Variants in NRXN3 observed in about 807,000 individuals in gnomAD.
NRXN3 encodes neurexin III.
A neutral mutation model predicts 137.6 loss-of-function variants in NRXN3; 32 were observed. That is an observed-to-expected ratio of 0.23 (90% CI 0.18 to 0.31). The LOEUF is 0.31. Among genes scored for constraint, NRXN3 ranks in the 10% least tolerant of loss-of-function variants. The probability of loss-of-function intolerance (pLI) is 1.00; values close to 1 mark genes in which losing one functional copy is unlikely to be tolerated. For synonymous variants in NRXN3, 798 were observed against 784.5 expected, an observed-to-expected ratio of 1.02 and a Z score of -0.29; for missense variants, 1,574 against 2,062.5, an observed-to-expected ratio of 0.76 and a Z score of 4.59.
chr14:78,827,946 C>T (rs2098971655), intron 10 of NRXN3, among the ~76,000 whole-genome samples: 1 of 152,204 alleles, frequency 6.6e-6, no homozygotes, highest in African/African-American at 2.4e-5. Flanking sequence ...CCTTTGAAGG[C>T]ACACATTCAT....
At position 78,243,541 on chromosome 14, in the gene NRXN3, G is replaced by A; in HGVS notation, c.448G>A (p.Gly150Ser). 2 of 1,597,610 alleles carry A rather than the reference G, an allele frequency of 1.3e-6. No homozygotes were observed. The highest frequency in any genetic ancestry group is 1.7e-6 in the Non-Finnish European group (2 of 1,179,456). Residue 150 changes from glycine (G) to serine (S), a missense_variant, in exon 2 of 21, where the codon GGT becomes AGT. Coordinates refer to ENST00000335750, the MANE Select transcript of NRXN3 (RefSeq NM_001330195.2). This position sits in a 1 kb window ranked among gnomAD's most constrained non-coding sequence, Gnocchi z 4.2. Reference sequence around the variant, plus strand: ...GGATGTGGTCAGTGACTTGTTCCTTGGTGGAGTCCCTACTGACATACGACC... The same window carrying A: ...GGATGTGGTCAGTGACTTGTTCCTTAGTGGAGTCCCTACTGACATACGACC... The part of the protein sequence containing the change: ...YMDVVSDLFL[G>S]GVPTDIRPSA...
At chr14:78,920,556 C>T (rs2099268212) in intron 10 of NRXN3, among the ~76,000 whole-genome samples, 5 of 152,112 alleles carry the variant, frequency 3.3e-5, no homozygotes, top group Admixed American at 3.3e-4. Context: ...AATTCTGATA[C>T]TACCTGGAGT....
At chr14:79,323,009 G>T (rs558210066) in intron 15 of NRXN3, among the ~76,000 whole-genome samples, 1 of 152,264 alleles carries the variant, frequency 6.6e-6, no homozygotes, top group South Asian at 2.1e-4. Flanking sequence ...TATAACATCT[G>T]TTGCAATACA....
chr14:78,521,348 T>G (rs1160703178), intron 4 of NRXN3, among the ~76,000 whole-genome samples: 1 of 152,212 alleles, frequency 6.6e-6, no homozygotes, highest in Non-Finnish European at 1.5e-5. Flanking sequence ...AGAATGTATT[T>G]ATTCAAAAAA....
rs1366347886 is a variant in NRXN3, at chr14:79,805,049, T to C, written c.4015-63T>C. 5 of 1,154,298 alleles carry C rather than the reference T, an allele frequency of 4.3e-6. No homozygotes were observed. In the Admixed American group the frequency reaches 9.1e-5, roughly 21 times the overall value. The allele number at this position is 1,154,298 out of a possible 1,614,324, so 71.5% of individuals were successfully genotyped here. ...ATCTTTGATGTCTTTGTTCATTAGT[T>C]TCCTTATCTCTCTCTCTTCTCTCTC... On this transcript the variant is annotated intron_variant, in intron 19 of 20. Coordinates refer to ENST00000335750, the MANE Select transcript of NRXN3 (RefSeq NM_001330195.2).
intron 16 of NRXN3, among the ~76,000 whole-genome samples, chr14:79,614,563 C>G (rs2098135868): frequency 6.6e-6 from 1 of 152,260 alleles, no homozygotes; most frequent in Middle Eastern, 3.4e-3. Flanking sequence ...CCTTGCTTTT[C>G]CTTCTTATTA....
At chr14:78,268,036 C>A (rs909137997) in intron 2 of NRXN3, among the ~76,000 whole-genome samples, 2 of 152,182 alleles carry the variant, frequency 1.3e-5, no homozygotes, top group Admixed American at 6.5e-5. Context: ...ACCTCCCCAG[C>A]TTTTCTGAGA....
intron 16 of NRXN3, among the ~76,000 whole-genome samples, chr14:79,624,159 G>A (rs1454409409): frequency 1.3e-5 from 2 of 152,154 alleles, no homozygotes; most frequent in Non-Finnish European, 2.9e-5. Context: ...ACATGGCTAA[G>A]CCACTGATCG....
chr14:78,646,078 G>C (rs12323789), intron 5 of NRXN3, among the ~76,000 whole-genome samples: 2 of 151,936 alleles, frequency 1.3e-5, no homozygotes, highest in African/African-American at 4.8e-5. Flanking sequence ...GGGAGGCCTG[G>C]AAAGTGGAAG....
chr14:78,951,342 C>T (rs1597805023), intron 10 of NRXN3, among the ~76,000 whole-genome samples: 1 of 152,140 alleles, frequency 6.6e-6, no homozygotes, highest in Non-Finnish European at 1.5e-5. Context: ...GATCTGGACT[C>T]TGCCTACATC....
At chr14:79,362,779 C>A (rs1343357901) in intron 15 of NRXN3, among the ~76,000 whole-genome samples, 2 of 152,190 alleles carry the variant, frequency 1.3e-5, no homozygotes, top group Non-Finnish European at 2.9e-5. Context: ...TTATCCCCAG[C>A]AAATTAACAC....
chr14:79,390,634 G>A (rs2094814792), intron 15 of NRXN3, among the ~76,000 whole-genome samples: 1 of 152,122 alleles, frequency 6.6e-6, no homozygotes, highest in South Asian at 2.1e-4. Flanking sequence ...ATGCCACTAT[G>A]TGAAGCTTCA....
intron 1 of NRXN3, among the ~76,000 whole-genome samples, chr14:78,188,198 T>G (rs1226885421): frequency 6.6e-6 from 1 of 152,174 alleles, no homozygotes; most frequent in South Asian, 2.1e-4. Flanking sequence ...AGGATACTTG[T>G]GTTTAGAAAA....
intron 15 of NRXN3, among the ~76,000 whole-genome samples, chr14:79,032,134 CA>C (rs1373348592): frequency 1.3e-5 from 2 of 152,256 alleles, no homozygotes; most frequent in African/African-American, 4.8e-5. Context: ...AATACACTAT[CA>C]AAAAGTCAAC....
intron 1 of NRXN3, among the ~76,000 whole-genome samples, chr14:78,204,213 T>G (rs2061969750): frequency 6.6e-6 from 1 of 152,146 alleles, no homozygotes; most frequent in Non-Finnish European, 1.5e-5. Context: ...TATAATGTAT[T>G]TTTGCTAAGC....
At chr14:79,265,466 A>T (rs1055880981) in intron 15 of NRXN3, among the ~76,000 whole-genome samples, 2 of 151,970 alleles carry the variant, frequency 1.3e-5, no homozygotes, top group Non-Finnish European at 2.9e-5. Context: ...AAAGAAGAGA[A>T]ATGTTCAAGA....
chr14:78,685,810 CTTT>C (rs76135969), intron 6 of NRXN3, among the ~76,000 whole-genome samples: 8 of 133,766 alleles, frequency 6.0e-5, no homozygotes, highest in Non-Finnish European at 8.0e-5. Context: ...GTTTTTCTTT[CTTT>C]TTTTTTTTTT....
At chr14:79,712,013 C>T (rs2098806202) in intron 19 of NRXN3, among the ~76,000 whole-genome samples, 1 of 152,194 alleles carries the variant, frequency 6.6e-6, no homozygotes, top group African/African-American at 2.4e-5. Flanking sequence ...TCTCCCCAAA[C>T]TTCCCAAACA....
chr14:79,391,163 T>C (rs2094832848), intron 15 of NRXN3, among the ~76,000 whole-genome samples: 1 of 151,852 alleles, frequency 6.6e-6, no homozygotes, highest in African/African-American at 2.4e-5. Flanking sequence ...AAGAATGGCC[T>C]ACATTAAAAA....
Sources: allele counts gnomAD v4.1 joint callset (sites outside exome capture counted in the v4.1 genomes callset), GRCh38; gene constraint gnomAD v4.1.1; non-coding constraint Gnocchi (gnomAD v3.1); transcripts MANE v1.5; gene names NCBI Gene and HGNC (gene_info 2026-07-23, HGNC 2026-07-21).